Variants in GCFC2 observed in about 807,000 individuals in gnomAD.
GCFC2 encodes GC-rich sequence DNA-binding factor 2.
A neutral mutation model predicts 99.4 loss-of-function variants in GCFC2; 102 were observed. The observed-to-expected ratio is 1.03, with a 90% CI of 0.87 to 1.21. GCFC2 has a LOEUF of 1.21. Among genes scored for constraint, GCFC2 ranks in the 50% most tolerant of loss-of-function variants. The probability of loss-of-function intolerance (pLI) is 0.00; values close to 1 mark genes in which losing one functional copy is unlikely to be tolerated. For synonymous variants in GCFC2, 338 were observed against 316.8 expected (o/e 1.07, Z -0.71); for missense variants, 973 against 920.9 (o/e 1.06, Z -0.73).
chr2:75,686,918 A>C (rs34375435), intron 11 of GCFC2, among the ~76,000 whole-genome samples: 36,982 of 150,164 alleles, frequency 0.25, 5,155 homozygotes, highest in East Asian at 0.41. Context: ...CTAGTGGCAA[A>C]TGTGAGTGAA....
At chr2:75,699,239 A>C (rs972526798) in intron 4 of GCFC2, among the ~76,000 whole-genome samples, 2 of 152,156 alleles carry the variant, frequency 1.3e-5, no homozygotes, top group African/African-American at 4.8e-5. Context: ...AAAGATAAAA[A>C]TGTTTTGCCT....
At chr2:75,696,841 A>T (rs994083781) in intron 4 of GCFC2, among the ~76,000 whole-genome samples, 2 of 151,946 alleles carry the variant, frequency 1.3e-5, no homozygotes, top group Admixed American at 1.3e-4. Context: ...GCTAGAGTCC[A>T]GTGGCACAAT....
At chr2:75,685,072 CTG>C (rs1029397732) in intron 11 of GCFC2, among the ~76,000 whole-genome samples, 1 of 152,034 alleles carries the variant, frequency 6.6e-6, no homozygotes, top group African/African-American at 2.4e-5. Context: ...GGTCAGGGGA[CTG>C]GGGTGGGATA....
At chr2:75,665,706 T>C (rs974960902) in intron 16 of GCFC2, among the ~76,000 whole-genome samples, 2 of 152,224 alleles carry the variant, frequency 1.3e-5, no homozygotes, top group African/African-American at 4.8e-5. Flanking sequence ...TATTCCCCTG[T>C]GCTATAGTTT....
At chr2:75,689,692 G>A (rs1299009344) in intron 9 of GCFC2, among the ~76,000 whole-genome samples, 3 of 152,120 alleles carry the variant, frequency 2.0e-5, no homozygotes, top group Non-Finnish European at 2.9e-5. Context: ...TAGAAAGTAT[G>A]TGTGGTAAAG....
Position 75,694,339 on chromosome 2 carries a change from G to C in GCFC2, c.922C>G (p.Gln308Glu), listed in dbSNP as rs772690949. ...TGATTTGATGAACTCTCTAGGTTCT[G>C]GATGGTACTCTTTGAGCTTTTGACA... is the stretch of plus-strand genomic sequence containing the variant. ...QDVKSSKSTI[Q>E]NLESSSNQAL... Residue 308 changes from glutamine to glutamate, a missense_variant, in exon 6 of 17, where the codon CAG becomes GAG. Gln to Glu is a conservative substitution (Grantham distance 29). Coordinates refer to ENST00000321027, the MANE Select transcript of GCFC2 (RefSeq NM_003203.5). The C allele has an allele frequency of 3.4e-6, 5 of 1,473,670 alleles. No homozygotes were observed. The African/African-American group carries it at 7.0e-5, about 20-fold the overall frequency. The allele number at this position is 1,473,670 out of a possible 1,614,324, so 91.3% of individuals were successfully genotyped here.
intron 13 of GCFC2, 68 bp downstream of exon 13, chr2:75,673,376 G>C: frequency 1.3e-6 from 1 of 747,238 alleles, no homozygotes. Context: ...CTTTTGCATT[G>C]CATTCTTAAA....
intron 15 of GCFC2, among the ~76,000 whole-genome samples, chr2:75,669,002 C>G (rs1022679698): frequency 6.6e-6 from 1 of 152,160 alleles, no homozygotes. Flanking sequence ...AAAATAACAA[C>G]GCCAAAAAAT....
At position 75,690,619 on chromosome 2, in the gene GCFC2, C is replaced by T. The variant is rs1301650804; in HGVS notation, c.1226+19G>A. 18 of 1,149,812 alleles carry T rather than the reference C, an allele frequency of 1.6e-5. No individual in the cohort carries two copies. Among genetic ancestry groups the T allele is most frequent in the Non-Finnish European group, 2.2e-5 (17 of 772,906 alleles). The allele number at this position is 1,149,812 out of a possible 1,614,324, so 71.2% of individuals were successfully genotyped here. A position where few individuals can be genotyped will look rare whatever the true frequency, so the allele number is the denominator to read the frequency against. On this transcript the variant is annotated intron_variant, in intron 8 of 16. Coordinates refer to ENST00000321027, the MANE Select transcript of GCFC2 (RefSeq NM_003203.5). ...TTGCTCAATGATGCTTTCTTTAAAT[C>T]TTCACTTTATATAGGTACCTTCGAG... is the stretch of plus-strand genomic sequence containing the variant.
intron 11 of GCFC2, among the ~76,000 whole-genome samples, chr2:75,680,821 GA>G (rs1679540977): frequency 6.6e-6 from 1 of 152,060 alleles, no homozygotes; most frequent in African/African-American, 2.4e-5. Context: ...AATTTGCTAA[GA>G]AAATAGAAGC....
chr2:75,712,001 C>T (rs886901998), upstream of GCFC2, among the ~76,000 whole-genome samples: 11 of 152,264 alleles, frequency 7.2e-5, no homozygotes, highest in South Asian at 2.1e-4. Context: ...CCTGCAGCCC[C>T]GGTGCGGGAT....
intron 12 of GCFC2, among the ~76,000 whole-genome samples, chr2:75,675,235 CCTTGT>C (rs1679281384): frequency 6.6e-6 from 1 of 152,022 alleles, no homozygotes; most frequent in Middle Eastern, 3.2e-3. Context: ...AACATAATAT[CCTTGT>C]CTTAACAAAT....
intron 3 of GCFC2, chr2:75,701,842 C>T: frequency 3.1e-6 from 3 of 969,640 alleles, no homozygotes; most frequent in Non-Finnish European, 3.7e-6. Context: ...GATTTTAATA[C>T]ATGACATCTA....
chr2:75,696,015 A>G (rs1680302363), intron 5 of GCFC2, among the ~76,000 whole-genome samples, 185 bp downstream of exon 5: 1 of 152,208 alleles, frequency 6.6e-6, no homozygotes, highest in African/African-American at 2.4e-5. Flanking sequence ...AAAAATGCAG[A>G]TATGGGGGGG....
chr2:75,690,373 T>C, intron 8 of GCFC2: 1 of 503,502 alleles, frequency 2.0e-6, no homozygotes, highest in Non-Finnish European at 3.5e-6. Flanking sequence ...GAGGGGGTAA[T>C]TATAATTAGG....
At chr2:75,702,560 T>C (rs550140751) in intron 2 of GCFC2, 137 bp from the exon 3 acceptor site, 404 of 650,778 alleles carry the variant, frequency 6.2e-4, no homozygotes, top group Middle Eastern at 4.8e-3. Flanking sequence ...CTTTAATAAA[T>C]GGCTCAAAAT....
chr2:75,709,191 T>C (rs1252829367), intron 1 of GCFC2, among the ~76,000 whole-genome samples: 3 of 152,164 alleles, frequency 2.0e-5, no homozygotes, highest in Admixed American at 6.5e-5. Flanking sequence ...AGGTATAACC[T>C]ACTGAAACAA....
At chr2:75,680,901 T>C (rs1679545073) in intron 11 of GCFC2, among the ~76,000 whole-genome samples, 1 of 152,210 alleles carries the variant, frequency 6.6e-6, no homozygotes, top group Non-Finnish European at 1.5e-5. Context: ...TGTGCCGATA[T>C]GCTCTAACTT....
chr2:75,711,395 C>T (rs1463683895), upstream of GCFC2, among the ~76,000 whole-genome samples: 1 of 152,190 alleles, frequency 6.6e-6, no homozygotes, highest in Non-Finnish European at 1.5e-5. Flanking sequence ...AATCAAATGA[C>T]TTCCCCCAGG....
Sources: gnomAD v4.1 joint callset for allele counts (sites outside exome capture counted in the v4.1 genomes callset) on GRCh38, gnomAD v4.1.1 for gene constraint, MANE v1.5 for transcripts, NCBI Gene and HGNC (gene_info 2026-07-23, HGNC 2026-07-21) for gene names.